The following LRRC4C variants were observed in gnomAD, a reference collection of about 807,000 sequenced individuals.
LRRC4C encodes the protein leucine rich repeat containing 4C.
In LRRC4C, 5 loss-of-function variants were observed where a neutral mutation model predicts 33.6. The ratio of observed to expected loss-of-function variants is 0.15; its 90% CI spans 0.08 to 0.31. The LOEUF (loss-of-function observed/expected upper bound fraction) is 0.31, where lower values mean the gene tolerates loss of function less well. Among genes scored for constraint, LRRC4C ranks in the 10% least tolerant of loss-of-function variants. The probability of loss-of-function intolerance (pLI) is 1.00; values close to 1 mark genes in which losing one functional copy is unlikely to be tolerated. For missense variants in LRRC4C, 560 were observed against 796.7 expected (o/e 0.70, Z 3.58); for synonymous variants, 329 against 302.0 (o/e 1.09, Z -0.93).
chr11:40,987,645 A>ATATATC (rs1853126736), intron 1 of LRRC4C, among the ~76,000 whole-genome samples: 1 of 54,068 alleles, frequency 1.8e-5, no homozygotes, highest in Admixed American at 2.0e-4. Flanking sequence ...ATATATATAT[A>ATATATC]TATATATCTC....
intron 3 of LRRC4C, among the ~76,000 whole-genome samples, chr11:40,330,362 A>G (rs1946304319): frequency 6.6e-6 from 1 of 152,166 alleles, no homozygotes; most frequent in Non-Finnish European, 1.5e-5. Flanking sequence ...GTACATATTT[A>G]TGGGGTACAG....
intron 3 of LRRC4C, among the ~76,000 whole-genome samples, chr11:40,358,174 C>G (rs1435703419): frequency 7.0e-6 from 1 of 142,422 alleles, no homozygotes; most frequent in East Asian, 2.3e-4. Context: ...GAGAGAGAGA[C>G]TCTGTCTCAA....
chr11:41,434,381 C>G (rs1565670041), intron 1 of LRRC4C, among the ~76,000 whole-genome samples: 2 of 151,872 alleles, frequency 1.3e-5, no homozygotes. Flanking sequence ...GTATTCAATA[C>G]CTTCTATTTG....
intron 3 of LRRC4C, among the ~76,000 whole-genome samples, chr11:40,630,332 CT>C (rs1963352744): frequency 5.5e-4 from 4 of 7,286 alleles, no homozygotes; most frequent in East Asian, 4.7e-3. Flanking sequence ...TCTTCTTCCT[CT>C]TCTTCTTCTT....
intron 2 of LRRC4C, among the ~76,000 whole-genome samples, chr11:40,758,583 T>C (rs1188452366): frequency 1.3e-5 from 2 of 151,934 alleles, no homozygotes; most frequent in Non-Finnish European, 2.9e-5. Flanking sequence ...GTTTTGCAAA[T>C]AGTGCATTTA....
chr11:41,342,906 G>A (rs1951686332), intron 1 of LRRC4C, among the ~76,000 whole-genome samples: 1 of 152,108 alleles, frequency 6.6e-6, no homozygotes, highest in African/African-American at 2.4e-5. Flanking sequence ...AGTGCTGGGA[G>A]GATTACACTA....
intron 4 of LRRC4C, among the ~76,000 whole-genome samples, chr11:40,256,481 T>G (rs1346254967): frequency 6.6e-6 from 1 of 152,152 alleles, no homozygotes; most frequent in Non-Finnish European, 1.5e-5. Context: ...GACTCTGGCT[T>G]CTGTAACCTT....
intron 1 of LRRC4C, among the ~76,000 whole-genome samples, chr11:41,359,986 C>T (rs1242760935): frequency 1.3e-5 from 2 of 152,114 alleles, no homozygotes; most frequent in East Asian, 1.9e-4. Flanking sequence ...AGTTTGAGCC[C>T]GGCCTGACCA....
At chr11:41,292,405 TA>T (rs375986795) in intron 1 of LRRC4C, among the ~76,000 whole-genome samples, 7 of 150,680 alleles carry the variant, frequency 4.6e-5, no homozygotes, top group Admixed American at 1.3e-4. Flanking sequence ...AACAGCAGCG[TA>T]AAAAAAAATG....
At chr11:41,331,748 A>T (rs192425178) in intron 1 of LRRC4C, among the ~76,000 whole-genome samples, 4 of 152,310 alleles carry the variant, frequency 2.6e-5, no homozygotes. Context: ...AGTCAAACGC[A>T]GGATGAAATA....
chr11:40,192,835 G>T (rs1165048221), intron 5 of LRRC4C, among the ~76,000 whole-genome samples: 1 of 152,158 alleles, frequency 6.6e-6, no homozygotes, highest in Non-Finnish European at 1.5e-5. Context: ...CAAAGCCACT[G>T]GGAAGTTCGG....
Position 40,910,109 on chromosome 11 carries a change from T to C in LRRC4C, c.-407+23526A>G, listed in dbSNP as rs116029268. 3.6e-3 allele frequency among the ~76,000 whole-genome samples: 551 copies of C among 152,252 alleles called. 3 individuals are homozygous for C. The highest frequency in any genetic ancestry group is 0.013 in the African/African-American group (528 of 41,540). On this transcript the variant is annotated intron_variant, in intron 2 of 6. Coordinates refer to ENST00000528697, the MANE Select transcript of LRRC4C (RefSeq NM_001258419.2). ...ACTTGTTGGTCTCTATACAATCTGATAGGAATATTAATGCAATTCTACTAA... is the reference window on the plus strand; with the variant it reads ...ACTTGTTGGTCTCTATACAATCTGACAGGAATATTAATGCAATTCTACTAA...
At chr11:40,681,099 G>T (rs924443428) in intron 2 of LRRC4C, among the ~76,000 whole-genome samples, 2 of 152,070 alleles carry the variant, frequency 1.3e-5, no homozygotes, top group Non-Finnish European at 2.9e-5. Context: ...AGGAGCAGTG[G>T]GTGGAAATCT....
intron 4 of LRRC4C, among the ~76,000 whole-genome samples, chr11:40,251,089 C>T (rs1015646618): frequency 2.6e-5 from 4 of 152,126 alleles, no homozygotes; most frequent in South Asian, 2.1e-4. Context: ...GAAACAAATG[C>T]ATAAACAAGA....
chr11:40,323,336 CA>C (rs1473592606), intron 3 of LRRC4C, among the ~76,000 whole-genome samples: 2 of 152,190 alleles, frequency 1.3e-5, no homozygotes, highest in Non-Finnish European at 1.5e-5. Flanking sequence ...ATCAATACAA[CA>C]TGTTTTAAAT....
chr11:41,200,406 C>A (rs985644146), intron 1 of LRRC4C, among the ~76,000 whole-genome samples: 1 of 152,118 alleles, frequency 6.6e-6, no homozygotes, highest in South Asian at 2.1e-4. Context: ...CATTACTGCA[C>A]CTGACTACAA....
rs1951242366 is a variant in LRRC4C, at chr11:40,438,524, T to C, written c.-269-118803A>G. Among the ~76,000 whole-genome samples, 3 of 152,270 alleles carry C rather than the reference T, an allele frequency of 2.0e-5. No homozygotes were observed. In the South Asian group the frequency reaches 6.2e-4, roughly 32 times the overall value. ...CATTTGTCTTTTTAAGCAATTTGTGTCCCCAATGTCTAGAACAAAGTCTGG... is the reference window on the plus strand; with the variant it reads ...CATTTGTCTTTTTAAGCAATTTGTGCCCCCAATGTCTAGAACAAAGTCTGG... On this transcript the variant is annotated intron_variant, in intron 3 of 6. Transcript: ENST00000528697.
intron 2 of LRRC4C, among the ~76,000 whole-genome samples, chr11:40,812,516 TTA>T (rs1951532916): frequency 6.6e-6 from 1 of 152,180 alleles, no homozygotes; most frequent in Non-Finnish European, 1.5e-5. Context: ...GTTCTCTATG[TTA>T]AAATATAAGA....
chr11:41,031,369 G>A (rs555107206), intron 1 of LRRC4C, among the ~76,000 whole-genome samples: 6 of 151,856 alleles, frequency 4.0e-5, no homozygotes, highest in South Asian at 2.1e-4. Context: ...ATGGGCACCC[G>A]GTATATCTTT....
Sources: allele counts gnomAD v4.1 joint callset (sites outside exome capture counted in the v4.1 genomes callset), GRCh38; gene constraint gnomAD v4.1.1; transcripts MANE v1.5; gene names NCBI Gene and HGNC (gene_info 2026-07-23, HGNC 2026-07-21).